The following PCDHA2 variants were observed in gnomAD, a reference collection of about 807,000 sequenced individuals.
PCDHA2 encodes the protein protocadherin alpha 2.
A neutral mutation model predicts 66.0 loss-of-function variants in PCDHA2; 58 were observed. The ratio of observed to expected loss-of-function variants is 0.88; its 90% CI spans 0.71 to 1.09. The LOEUF is 1.09. PCDHA2 is among the 50% of genes least tolerant of loss of function. The pLI is 0.00. For synonymous variants in PCDHA2, 634 were observed against 554.0 expected (o/e 1.14, Z -2.03); for missense variants, 1,267 against 1,242.3 (o/e 1.02, Z -0.30).
At chr5:140,934,163 G>A (rs2153618590) in intron 1 of PCDHA2, among the ~76,000 whole-genome samples, 1 of 152,110 alleles carries the variant, frequency 6.6e-6, no homozygotes, top group Non-Finnish European at 1.5e-5. Flanking sequence ...ATTTCAGTGT[G>A]CAACAGAAGT....
Position 140,965,675 on chromosome 5 carries a change from A to C in PCDHA2, c.2389-13274A>C, listed in dbSNP as rs1049081993. 1.3e-4 allele frequency among the ~76,000 whole-genome samples: 20 copies of C among 152,350 alleles called. No homozygotes were observed. The Middle Eastern group carries it at 0.01, about 78-fold the overall frequency. ...AAATGTCTTGGGTGATAAATGTAAA[A>C]GATTTGAAGCAAGATTAGAAAAAGC... On this transcript the variant is annotated intron_variant, in intron 1 of 3. Transcript: ENST00000526136.
chr5:140,818,379 G>A (rs1554127469), intron 1 of PCDHA2, among the ~76,000 whole-genome samples: 1 of 152,034 alleles, frequency 6.6e-6, no homozygotes, highest in East Asian at 1.9e-4. Flanking sequence ...CTTGAATCGT[G>A]GCATTTTTCC....
chr5:140,803,342 G>A (rs782025837), intron 1 of PCDHA2: 12 of 1,614,092 alleles, frequency 7.4e-6, no homozygotes. Flanking sequence ...TGCTCACACT[G>A]CTGCTATATA....
chr5:140,875,946 T>C, intron 1 of PCDHA2: 1 of 1,614,222 alleles, frequency 6.2e-7, no homozygotes, highest in Admixed American at 1.7e-5. Context: ...AGGGCGCTTC[T>C]GATGCGGATA....
At chr5:140,824,612 T>TTTTTTTTTG (rs1768223304) in intron 1 of PCDHA2, 1 of 117,268 alleles carries the variant, frequency 8.5e-6, no homozygotes, top group African/African-American at 4.0e-5. Flanking sequence ...TAATTAAAGT[T>TTTTTTTTTG]TTTTTTTTTT....
intron 1 of PCDHA2, chr5:140,883,940 G>T: frequency 6.2e-7 from 1 of 1,613,412 alleles, no homozygotes; most frequent in Non-Finnish European, 8.5e-7. Flanking sequence ...CGTGCTGGAC[G>T]AGAACGACAA....
In PCDHA2 at chr5:140,890,236, T is replaced by C. The variant is rs79211810; in HGVS notation, c.2389-88713T>C. 1.2e-3 allele frequency among the ~76,000 whole-genome samples: 183 copies of C among 152,244 alleles called. 1 individual carries two copies. Among genetic ancestry groups the C allele is most frequent in the African/African-American group, 4.0e-3 (168 of 41,532 alleles). ...CCCAGAGACCTAGTTGTTAAGCATT[T>C]ACCAGTACACTACTGCACCTGATTG... On this transcript the variant is annotated intron_variant, in intron 1 of 3. Transcript: ENST00000526136.
intron 1 of PCDHA2, chr5:140,929,216 A>G: frequency 6.2e-7 from 1 of 1,614,100 alleles, no homozygotes; most frequent in Non-Finnish European, 8.5e-7. Flanking sequence ...CGTGGGGAGT[A>G]CAATGCTGCC....
chr5:140,883,972 C>T (rs781784485), intron 1 of PCDHA2: 2 of 1,612,972 alleles, frequency 1.2e-6, no homozygotes, highest in Non-Finnish European at 8.5e-7. Context: ...TGCTGACGCC[C>T]GGGGCTGGCA....
rs782072957 is a variant in PCDHA2, at chr5:140,870,352, G to A, written c.2388+73000G>A. ...GGACAGCGCCCTGGACCGCGAGAAC[G>A]TGTGGGCCTATGAACTGGTGGTGAC... On this transcript the variant is annotated intron_variant, in intron 1 of 3. Coordinates refer to ENST00000526136, the MANE Select transcript of PCDHA2 (RefSeq NM_018905.3). 36 of 1,614,108 alleles carry A rather than the reference G, an allele frequency of 2.2e-5. No homozygotes were observed. In the South Asian group the frequency reaches 3.2e-4, roughly 14 times the overall value.
intron 1 of PCDHA2, chr5:140,852,101 T>C (rs1297369324): frequency 1.1e-6 from 1 of 909,228 alleles, no homozygotes; most frequent in Non-Finnish European, 1.3e-6. Context: ...TGTCAGATAT[T>C]TTACAAGGTA....
At chr5:141,000,421 AT>A (rs34755515) in intron 3 of PCDHA2, among the ~76,000 whole-genome samples, 491 of 27,806 alleles carry the variant, frequency 0.018, 4 homozygotes, top group South Asian at 0.021. Flanking sequence ...ATATATATAT[AT>A]TTTTTTTTTT....
intron 1 of PCDHA2, chr5:140,852,273 G>A: frequency 4.0e-6 from 2 of 502,850 alleles, no homozygotes; most frequent in Non-Finnish European, 5.3e-6. Context: ...AATATTACAT[G>A]TTTTTTGTCT....
Position 141,010,254 on chromosome 5 carries a change from C to T in PCDHA2, c.*317C>T. Reference sequence around the variant, plus strand: ...GCCAGTGAGAGGTTGGACTCTCTGCCCTGTGCTCCGGGGATCCTGTCTTGA... The same window carrying T: ...GCCAGTGAGAGGTTGGACTCTCTGCTCTGTGCTCCGGGGATCCTGTCTTGA... On this transcript the variant is annotated 3_prime_UTR_variant, in exon 4 of 4. Transcript: ENST00000526136. The T allele has an allele frequency of 6.4e-7, 1 of 1,551,810 alleles. No individual in the cohort carries two copies. Among genetic ancestry groups the T allele is most frequent in the Non-Finnish European group, 8.7e-7 (1 of 1,147,018 alleles).
chr5:140,918,072 T>C (rs1271495774), intron 1 of PCDHA2, among the ~76,000 whole-genome samples: 1 of 152,142 alleles, frequency 6.6e-6, no homozygotes, highest in Non-Finnish European at 1.5e-5. Flanking sequence ...TTTCTTTCAG[T>C]AGTGTTTTAT....
chr5:140,849,189 G>C, intron 1 of PCDHA2: 1 of 1,056,674 alleles, frequency 9.5e-7, no homozygotes, highest in Non-Finnish European at 1.3e-6. Context: ...ACTCATCACG[G>C]TACTGGACAA....
At chr5:140,823,803 G>A in intron 1 of PCDHA2, 4 of 1,613,842 alleles carry the variant, frequency 2.5e-6, no homozygotes, top group South Asian at 1.1e-5. Flanking sequence ...AGGCGCCGAA[G>A]GCCTCATCGC....
chr5:140,850,918 A>G (rs2150502117), intron 1 of PCDHA2: 3 of 1,529,350 alleles, frequency 2.0e-6, no homozygotes, highest in Non-Finnish European at 2.6e-6. Context: ...TTATTTATTT[A>G]TATAATTTTT....
chr5:140,805,522 C>T, intron 1 of PCDHA2: 2 of 986,750 alleles, frequency 2.0e-6, no homozygotes, highest in African/African-American at 3.5e-5. Flanking sequence ...TTTGTTTAGA[C>T]AAACAGGATG....
Sources: allele counts gnomAD v4.1 joint callset (sites outside exome capture counted in the v4.1 genomes callset), GRCh38; gene constraint gnomAD v4.1.1; transcripts MANE v1.5; gene names NCBI Gene and HGNC (gene_info 2026-07-23, HGNC 2026-07-21).